CSMD2: variants seen among roughly 807,000 people sequenced by gnomAD.
CSMD2 encodes CUB and Sushi multiple domains 2, also known as CUB and sushi domain-containing protein 2.
CSMD2 carries 130 observed loss-of-function variants against 398.5 expected under a neutral mutation model. That is an observed-to-expected ratio of 0.33 (90% CI 0.28 to 0.38). The LOEUF (loss-of-function observed/expected upper bound fraction) is 0.38, where lower values mean the gene tolerates loss of function less well. Ranked by LOEUF, CSMD2 falls within the 10% of genes least tolerant of loss-of-function variation. CSMD2 has a pLI of 1.00. For missense variants in CSMD2, 3,829 were observed against 4,764.9 expected (o/e 0.80, Z 5.78); for synonymous variants, 1,828 against 1,908.5 (o/e 0.96, Z 1.10).
intron 48 of CSMD2, among the ~76,000 whole-genome samples, chr1:33,579,017 A>C (rs996577434): frequency 6.6e-6 from 1 of 152,112 alleles, no homozygotes; most frequent in African/African-American, 2.4e-5. Flanking sequence ...GCAGGTGCAA[A>C]TTACACTCAT....
At chr1:33,605,743 G>C (rs1260256075) in intron 41 of CSMD2, 1 of 854,896 alleles carries the variant, frequency 1.2e-6, no homozygotes, top group African/African-American at 1.7e-5. Flanking sequence ...TCTATTATTA[G>C]TAATTCCGTA....
chr1:33,853,728 T>C (rs1570273696), intron 5 of CSMD2, among the ~76,000 whole-genome samples: 2 of 152,110 alleles, frequency 1.3e-5, no homozygotes, highest in East Asian at 1.9e-4. Flanking sequence ...ACTGAGGCCA[T>C]GGGAGTGCTG....
At chr1:34,094,641 A>G (rs2148388920) in intron 1 of CSMD2, among the ~76,000 whole-genome samples, 1 of 152,314 alleles carries the variant, frequency 6.6e-6, no homozygotes, top group African/African-American at 2.4e-5. Context: ...TTAAACCAAC[A>G]AAGATCAAAA....
chr1:34,165,387 G>A (rs1239403308), upstream of CSMD2: 5 of 1,029,352 alleles, frequency 4.9e-6, no homozygotes, highest in Non-Finnish European at 6.3e-6. Context: ...TCCAAATGCT[G>A]GGGGTGGAGG....
At chr1:33,744,913 T>C (rs1375550994) in intron 13 of CSMD2, among the ~76,000 whole-genome samples, 1 of 152,156 alleles carries the variant, frequency 6.6e-6, no homozygotes, top group Non-Finnish European at 1.5e-5. Context: ...AGTATGTAAG[T>C]TCGCATCCAG....
rs938410594 is a variant in CSMD2, at chr1:33,580,762, G to A, written c.7378C>T (p.Arg2460Cys). ...HAYNRKGFKI[R>C]YSAPYCSLPR... The stretch of plus-strand genomic sequence containing the variant: ...TGTTTTTTTCACTCACCTGAATAGC[G>A]GATCTTGAAGCCCTTCCGATTGTAG... Residue 2460 changes from arginine to cysteine, a missense_variant, in exon 48 of 71, where the codon CGC becomes TGC. By Grantham distance (180) the Arg-to-Cys change is radical. Coordinates refer to ENST00000373381, the MANE Select transcript of CSMD2 (RefSeq NM_001281956.2). 16 of 1,614,036 alleles carry A rather than the reference G, an allele frequency of 9.9e-6. 1 individual carries two copies. The highest frequency in any genetic ancestry group is 1.7e-5 in the Admixed American group (1 of 60,006).
intron 1 of CSMD2, among the ~76,000 whole-genome samples, chr1:34,148,050 G>C (rs1294703212): frequency 6.6e-6 from 1 of 152,172 alleles, no homozygotes; most frequent in East Asian, 1.9e-4. Context: ...AGAGTAAAGA[G>C]AGGCACAGCA....
At chr1:33,898,853 G>A (rs1396863991) in intron 5 of CSMD2, among the ~76,000 whole-genome samples, 1 of 152,180 alleles carries the variant, frequency 6.6e-6, no homozygotes, top group African/African-American at 2.4e-5. Flanking sequence ...AGGCCTGAAG[G>A]ACACTTGCCC....
At position 33,698,742 on chromosome 1, in the gene CSMD2, A is replaced by C. The variant is rs751650756; in HGVS notation, c.3925+11T>G. ...ACCCAAGGGTTCCCTGCAGAGGAAGAGCCCTCCTACCGACACAGGTGGGCA... is the reference window on the plus strand; with the variant it reads ...ACCCAAGGGTTCCCTGCAGAGGAAGCGCCCTCCTACCGACACAGGTGGGCA... On this transcript the variant is annotated intron_variant, in intron 24 of 70. Transcript: ENST00000373381. The C allele has an allele frequency of 6.2e-7, 1 of 1,606,554 alleles. No homozygotes were observed. Among genetic ancestry groups the C allele is most frequent in the South Asian group, 1.1e-5 (1 of 90,030 alleles).
chr1:34,137,244 A>G (rs1169087498), intron 1 of CSMD2, among the ~76,000 whole-genome samples: 1 of 151,936 alleles, frequency 6.6e-6, no homozygotes, highest in Non-Finnish European at 1.5e-5. Flanking sequence ...AGACTTACTT[A>G]TCTCTCTGGA....
intron 1 of CSMD2, among the ~76,000 whole-genome samples, chr1:34,142,399 C>T (rs1413554701): frequency 6.6e-6 from 1 of 152,162 alleles, no homozygotes; most frequent in Non-Finnish European, 1.5e-5. Flanking sequence ...CCTGGTGCCC[C>T]AGGAGACGCA....
chr1:33,853,248 A>T lies in CSMD2; in HGVS notation c.921-6252T>A, dbSNP rs868524837. Among the ~76,000 whole-genome samples the T allele has an allele frequency of 3.3e-5, 5 of 152,310 alleles. No individual in the cohort carries two copies. In the East Asian group the frequency reaches 9.7e-4, roughly 29 times the overall value. ...TTCACCATTTCAAATGTTGCTACAGATCGTCCAGCCAACAAATATTTCTTG... is the reference window on the plus strand; with the variant it reads ...TTCACCATTTCAAATGTTGCTACAGTTCGTCCAGCCAACAAATATTTCTTG... On this transcript the variant is annotated intron_variant, in intron 5 of 70. Transcript: ENST00000373381.
At chr1:33,817,457 C>G (rs967863310) in intron 9 of CSMD2, among the ~76,000 whole-genome samples, 2 of 152,112 alleles carry the variant, frequency 1.3e-5, no homozygotes, top group African/African-American at 4.8e-5. Context: ...ATGAAGGAAC[C>G]CGCCCAGGGC....
At position 33,792,069 on chromosome 1, in the gene CSMD2, G is replaced by A. The variant is rs117531236; in HGVS notation, c.1550+354C>T. Among the ~76,000 whole-genome samples, 8 of 152,300 alleles carry A rather than the reference G, an allele frequency of 5.3e-5. No individual in the cohort carries two copies. The East Asian group carries it at 1.5e-3, about 29-fold the overall frequency. On this transcript the variant is annotated intron_variant, in intron 11 of 70. Transcript: ENST00000373381. ...CTCTGTCTGAGGTCAGGCTGCCACGGCTGGATGTGGCCTGGAGTAAAAACT... is the reference window on the plus strand; with the variant it reads ...CTCTGTCTGAGGTCAGGCTGCCACGACTGGATGTGGCCTGGAGTAAAAACT...
At chr1:33,915,361 C>T (rs1457672891) in intron 5 of CSMD2, among the ~76,000 whole-genome samples, 1 of 152,188 alleles carries the variant, frequency 6.6e-6, no homozygotes, top group Non-Finnish European at 1.5e-5. Flanking sequence ...ACACATACGT[C>T]CTGAGTCTCC....
At chr1:33,986,864 A>G (rs1646377075) in intron 3 of CSMD2, among the ~76,000 whole-genome samples, 1 of 152,148 alleles carries the variant, frequency 6.6e-6, no homozygotes, top group Non-Finnish European at 1.5e-5. Context: ...ACGGACATGC[A>G]GCCCCTGATT....
chr1:33,616,303 T>A (rs926749857), intron 39 of CSMD2, among the ~76,000 whole-genome samples: 1 of 152,048 alleles, frequency 6.6e-6, no homozygotes, highest in Non-Finnish European at 1.5e-5. Context: ...AGTGGTGCAG[T>A]CTCAGCTCAC....
At chr1:34,086,326 T>G (rs1407157207) in intron 2 of CSMD2, among the ~76,000 whole-genome samples, 3 of 152,232 alleles carry the variant, frequency 2.0e-5, no homozygotes, top group Non-Finnish European at 2.9e-5. Context: ...GTCTTACGTT[T>G]TAGGCACCAT....
chr1:33,715,969 G>A (rs1218084347), intron 20 of CSMD2, among the ~76,000 whole-genome samples: 2 of 151,160 alleles, frequency 1.3e-5, no homozygotes, highest in African/African-American at 4.9e-5. Flanking sequence ...GAAAAATCTC[G>A]AATAACTAAG....
Sources: allele counts gnomAD v4.1 joint callset (sites outside exome capture counted in the v4.1 genomes callset), GRCh38; gene constraint gnomAD v4.1.1; transcripts MANE v1.5; gene names NCBI Gene and HGNC (gene_info 2026-07-23, HGNC 2026-07-21).